The following SPOPL variants were observed in gnomAD, a reference collection of about 807,000 sequenced individuals.
SPOPL encodes the protein speckle-type POZ protein-like.
A neutral mutation model predicts 53.8 loss-of-function variants in SPOPL; 23 were observed. The observed-to-expected ratio is 0.43, with a 90% CI of 0.31 to 0.61. The LOEUF is 0.61. Among genes scored for constraint, SPOPL ranks in the 20% least tolerant of loss-of-function variants. The pLI is 0.12. For missense variants in SPOPL, 442 were observed against 466.9 expected, an observed-to-expected ratio of 0.95 and a Z score of 0.49; for synonymous variants, 164 against 149.7, an observed-to-expected ratio of 1.10 and a Z score of -0.70.
At chr2:138,549,448 A>G (rs1256494102) in intron 1 of SPOPL, among the ~76,000 whole-genome samples, 1 of 152,088 alleles carries the variant, frequency 6.6e-6, no homozygotes, top group East Asian at 1.9e-4. Flanking sequence ...CTCTTTTAGT[A>G]AGTTACAAAG....
rs1199356512 is a variant in SPOPL at position 138,550,602 on chromosome 2, A to G, written c.198A>G (p.Lys66=). 6.3e-7 allele frequency: 1 copy of G among 1,593,106 alleles called. No homozygotes were observed. Among genetic ancestry groups the G allele is most frequent in the South Asian group, 1.1e-5 (1 of 89,136 alleles). Residue 66 remains lysine, a splice_region_variant and synonymous_variant, in exon 3 of 11, where the codon AAA becomes AAG. Transcript: ENST00000280098. The stretch of plus-strand genomic sequence containing the variant: ...CATCTGGCCCAAGTGACAAAATGAA[A>G]TGGTAAGATTTTTGTTTGCTTTGAA... ...TFSSGPSDKM[K]WCLRVNPKGL...
At chr2:138,562,831 A>C (rs1296039011) in intron 8 of SPOPL, among the ~76,000 whole-genome samples, 1 of 151,908 alleles carries the variant, frequency 6.6e-6, no homozygotes, top group African/African-American at 2.4e-5. Context: ...ATAAACCTAA[A>C]ATCTAAACCT....
At chr2:138,527,469 A>T (rs1684700196) in intron 1 of SPOPL, among the ~76,000 whole-genome samples, 1 of 152,134 alleles carries the variant, frequency 6.6e-6, no homozygotes, top group East Asian at 1.9e-4. Flanking sequence ...TGCATCAGTT[A>T]TGACTATATT....
chr2:138,552,374 A>C (rs78557302), intron 4 of SPOPL, among the ~76,000 whole-genome samples, 180 bp from the exon 5 acceptor site: 1,655 of 152,186 alleles, frequency 0.011, 32 homozygotes, highest in African/African-American at 0.037. Context: ...ATATGGAGTT[A>C]CTGTTTCTAC....
intron 1 of SPOPL, among the ~76,000 whole-genome samples, chr2:138,548,690 A>G (rs1156923837): frequency 6.6e-6 from 1 of 152,052 alleles, no homozygotes; most frequent in Non-Finnish European, 1.5e-5. Context: ...AAAATTAGTT[A>G]TATGTGCTAT....
At position 138,572,150 on chromosome 2, in the gene SPOPL, A is replaced by AT. The variant is rs1314214003; in HGVS notation, c.*3073dup. On this transcript the variant is annotated 3_prime_UTR_variant, in exon 11 of 11. Coordinates refer to ENST00000280098, the MANE Select transcript of SPOPL (RefSeq NM_001001664.3). ...AAGTTCAGGTTAGCAGAAATATTTC[A>AT]TTTAAATATGCTTTACTTTGGAGGA... 3 of 152,678 alleles carry AT rather than the reference A, an allele frequency of 2.0e-5. No individual in the cohort carries two copies. In the East Asian group the frequency reaches 5.8e-4, roughly 29 times the overall value. The allele number at this position is 152,678 out of a possible 1,614,324, so 9.5% of individuals were successfully genotyped here. A position where few individuals can be genotyped will look rare whatever the true frequency, so the allele number is the denominator to read the frequency against.
chr2:138,507,667 G>A (rs1056407003), intron 1 of SPOPL, among the ~76,000 whole-genome samples: 1 of 152,242 alleles, frequency 6.6e-6, no homozygotes, highest in Admixed American at 6.5e-5. Flanking sequence ...GAGTACACGG[G>A]TAGTAGGTTG....
intron 1 of SPOPL, among the ~76,000 whole-genome samples, chr2:138,527,791 A>G (rs1055823723): frequency 2.0e-5 from 3 of 152,142 alleles, no homozygotes; most frequent in African/African-American, 7.2e-5. Context: ...TCTGGCTGTC[A>G]TGGTTTTCAG....
At chr2:138,561,028 A>C (rs1685534971) in intron 8 of SPOPL, 101 bp downstream of exon 8, 1 of 1,418,662 alleles carries the variant, frequency 7.0e-7, no homozygotes, top group African/African-American at 1.5e-5. Flanking sequence ...TATTTTGTAG[A>C]TGGCTCTTGA....
chr2:138,564,078 A>G (rs1229422120), intron 8 of SPOPL, among the ~76,000 whole-genome samples: 1 of 152,244 alleles, frequency 6.6e-6, no homozygotes, highest in Non-Finnish European at 1.5e-5. Context: ...GATAGAAAGC[A>G]TATCAGAGGT....
Position 138,550,227 on chromosome 2 carries a change from A to T in SPOPL, c.11A>T (p.Glu4Val). The change falls in exon 2 of 11, where the codon GAA becomes GTA. Residue 4 changes from glutamate to valine, a missense_variant. Transcript: ENST00000280098. MSR[E>V]PTPPLPGDMS... is the part of the protein sequence containing the mutation. ...TACAATAAAGTGGTGATGTCTCGGG[A>T]ACCCACCCCACCTCTACCTGGAGAT... The T allele has an allele frequency of 2.5e-6, 4 of 1,613,550 alleles. No individual in the cohort carries two copies. Among genetic ancestry groups the T allele is most frequent in the Non-Finnish European group, 3.4e-6 (4 of 1,179,616 alleles).
chr2:138,520,216 G>A (rs1684527287), intron 1 of SPOPL, among the ~76,000 whole-genome samples: 1 of 152,138 alleles, frequency 6.6e-6, no homozygotes, highest in Non-Finnish European at 1.5e-5. Flanking sequence ...ATTATGCATA[G>A]GTAATTTCTG....
chr2:138,523,309 A>AC (rs558689148), intron 1 of SPOPL, among the ~76,000 whole-genome samples: 2 of 152,046 alleles, frequency 1.3e-5, no homozygotes, highest in Non-Finnish European at 2.9e-5. Flanking sequence ...CACGAAAAAC[A>AC]CCCACCCCCA....
intron 1 of SPOPL, among the ~76,000 whole-genome samples, chr2:138,531,512 T>C (rs56050303): frequency 1.1e-4 from 16 of 152,190 alleles, no homozygotes; most frequent in Non-Finnish European, 5.9e-5. Context: ...TCTTCAAATA[T>C]TGCTTCTCTC....
At chr2:138,523,225 GAA>G (rs1240579847) in intron 1 of SPOPL, among the ~76,000 whole-genome samples, 1 of 152,162 alleles carries the variant, frequency 6.6e-6, no homozygotes, top group Non-Finnish European at 1.5e-5. Context: ...GCAGACAAGA[GAA>G]GAGAGCTTGT....
chr2:138,508,015 C>G (rs1383927741), intron 1 of SPOPL, among the ~76,000 whole-genome samples: 1 of 152,050 alleles, frequency 6.6e-6, no homozygotes, highest in Non-Finnish European at 1.5e-5. Context: ...AAAAGGAAAG[C>G]CTTGCTAAGG....
At chr2:138,532,593 ATTTTT>A (rs71301784) in intron 1 of SPOPL, among the ~76,000 whole-genome samples, 2 of 111,872 alleles carry the variant, frequency 1.8e-5, no homozygotes, top group African/African-American at 3.9e-5. Context: ...CGCCCGGCTA[ATTTTT>A]TTTTTTTTTT....
intron 1 of SPOPL, among the ~76,000 whole-genome samples, chr2:138,502,997 T>C (rs919278618): frequency 2.0e-5 from 3 of 152,194 alleles, no homozygotes; most frequent in Non-Finnish European, 4.4e-5. Flanking sequence ...TTTTGAATAA[T>C]CTTGGGCCTA....
intron 1 of SPOPL, among the ~76,000 whole-genome samples, chr2:138,511,844 A>G (rs1268450287): frequency 6.6e-6 from 1 of 152,214 alleles, no homozygotes; most frequent in South Asian, 2.1e-4. Flanking sequence ...GCATCAGAGC[A>G]TAGAGACTAG....
Sources: gnomAD v4.1 joint callset for allele counts (sites outside exome capture counted in the v4.1 genomes callset) on GRCh38, gnomAD v4.1.1 for gene constraint, MANE v1.5 for transcripts, NCBI Gene and HGNC (gene_info 2026-07-23, HGNC 2026-07-21) for gene names.